The following B3GLCT variants were observed in gnomAD, a reference collection of about 807,000 sequenced individuals.
B3GLCT encodes beta 3-glucosyltransferase.
B3GLCT carries 65 observed loss-of-function variants against 63.4 expected under a neutral mutation model. That is an observed-to-expected ratio of 1.03 (90% CI 0.84 to 1.26). The LOEUF is 1.26. Ranked by LOEUF, B3GLCT falls within the 50% of genes most tolerant of loss-of-function variation. The probability of loss-of-function intolerance (pLI) is 0.00; values close to 1 mark genes in which losing one functional copy is unlikely to be tolerated. For synonymous variants in B3GLCT, 233 were observed against 219.2 expected (o/e 1.06, Z -0.55); for missense variants, 577 against 604.8 (o/e 0.95, Z 0.48).
At chr13:31,289,251 C>T (rs1849165) in intron 12 of B3GLCT, among the ~76,000 whole-genome samples, 29 of 152,018 alleles carry the variant, frequency 1.9e-4, no homozygotes, top group African/African-American at 6.8e-4. Flanking sequence ...TCTAGGACTA[C>T]ACAAAATGAC....
chr13:31,314,630 G>A (rs9544429), intron 12 of B3GLCT, among the ~76,000 whole-genome samples: 32,506 of 152,116 alleles, frequency 0.21, 3,495 homozygotes, highest in Non-Finnish European at 0.22. Context: ...CAGGCTCATA[G>A]GTGGAAGGGA....
At chr13:31,290,366 T>G (rs909466412) in intron 12 of B3GLCT, among the ~76,000 whole-genome samples, 14 of 152,224 alleles carry the variant, frequency 9.2e-5, no homozygotes, top group African/African-American at 3.1e-4. Flanking sequence ...TATAATCCTT[T>G]GGATATATAC....
intron 4 of B3GLCT, among the ~76,000 whole-genome samples, chr13:31,237,897 T>C (rs930132045): frequency 6.6e-6 from 1 of 152,162 alleles, no homozygotes; most frequent in African/African-American, 2.4e-5. Context: ...CTGTGAAGCA[T>C]GAAGGTTGCA....
At chr13:31,218,179 T>C (rs897387496) in intron 2 of B3GLCT, among the ~76,000 whole-genome samples, 3 of 151,048 alleles carry the variant, frequency 2.0e-5, no homozygotes, top group Admixed American at 6.6e-5. Context: ...TTATTCTTTT[T>C]GTGGCTACTT....
At chr13:31,326,280 T>TTTC (rs1875615912) in intron 14 of B3GLCT, among the ~76,000 whole-genome samples, 1 of 129,468 alleles carries the variant, frequency 7.7e-6, no homozygotes, top group Non-Finnish European at 1.6e-5. Context: ...TTTCCCTTTT[T>TTTC]TTTTTTTTTT....
At position 31,226,260 on chromosome 13, in the gene B3GLCT, C is replaced by T. The variant is rs368426046; in HGVS notation, c.161-2925C>T. ...ACGAGGCTCAGACACTCCAGGGCTG[C>T]GACTGGGCTCACTCGTTCTTGTATC... is the stretch of plus-strand genomic sequence containing the variant. On this transcript the variant is annotated intron_variant, in intron 3 of 14. Coordinates refer to ENST00000343307, the MANE Select transcript of B3GLCT (RefSeq NM_194318.4). Among the ~76,000 whole-genome samples the T allele has an allele frequency of 6.6e-5, 10 of 152,168 alleles. No individual in the cohort carries two copies. The South Asian group carries it at 1.2e-3, about 19-fold the overall frequency.
At position 31,329,837 on chromosome 13, in the gene B3GLCT, G is replaced by A; in HGVS notation, c.*169G>A. The A allele has an allele frequency of 1.4e-6, 1 of 723,466 alleles. No homozygotes were observed. Among genetic ancestry groups the A allele is most frequent in the Non-Finnish European group, 2.3e-6 (1 of 436,954 alleles). 44.8% of individuals were successfully genotyped at this position (723,466 alleles called of 1,614,324 possible). A position where few individuals can be genotyped will look rare whatever the true frequency, so the allele number is the denominator to read the frequency against. On this transcript the variant is annotated 3_prime_UTR_variant, in exon 15 of 15. Coordinates refer to ENST00000343307, the MANE Select transcript of B3GLCT (RefSeq NM_194318.4). The stretch of plus-strand genomic sequence containing the variant: ...ATTTTTTGACAGAGGAAGAAAAGGG[G>A]TCACAGGAGAAACATTTTTTTTTCT...
At chr13:31,246,951 C>CTTTTCTT in intron 4 of B3GLCT, 72 bp from the exon 5 acceptor site, 6 of 778,750 alleles carry the variant, frequency 7.7e-6, no homozygotes, top group Non-Finnish European at 9.9e-6. Flanking sequence ...CTTTTCTTTT[C>CTTTTCTT]TTTTTTTTTT....
intron 4 of B3GLCT, among the ~76,000 whole-genome samples, chr13:31,246,678 C>T (rs918940531): frequency 6.6e-6 from 1 of 152,146 alleles, no homozygotes; most frequent in Admixed American, 6.5e-5. Context: ...TGACTACTTC[C>T]CCCAGGCTCT....
chr13:31,272,038 T>A (rs1273205195), intron 8 of B3GLCT, among the ~76,000 whole-genome samples: 1 of 152,162 alleles, frequency 6.6e-6, no homozygotes, highest in Non-Finnish European at 1.5e-5. Context: ...TCCTTTTGTG[T>A]CCTTATCTTT....
At chr13:31,202,316 C>T (rs1166303807) in intron 1 of B3GLCT, among the ~76,000 whole-genome samples, 1 of 152,168 alleles carries the variant, frequency 6.6e-6, no homozygotes, top group East Asian at 1.9e-4. Context: ...AGTCTGGCAC[C>T]AGTTTCAGAA....
chr13:31,284,901 C>T, intron 11 of B3GLCT, 140 bp downstream of exon 11: 3 of 660,956 alleles, frequency 4.5e-6, no homozygotes, highest in East Asian at 5.5e-5. Flanking sequence ...CTCTCAGATA[C>T]TGATTGGTTC....
chr13:31,294,980 C>G (rs1026018780), intron 12 of B3GLCT, among the ~76,000 whole-genome samples: 1 of 146,004 alleles, frequency 6.8e-6, no homozygotes, highest in Non-Finnish European at 1.5e-5. Context: ...TGTTGGTGAC[C>G]TTTGAATGGG....
Position 31,247,020 on chromosome 13 carries a change from C to T in B3GLCT, c.271-3C>T, listed in dbSNP as rs749572751. ...TTATCTTCTTTGATCATTGTTTTCT[C>T]AGGAGCTCCCCAGTGTCCTCCTCCT... On this transcript the variant is annotated splice_region_variant and splice_polypyrimidine_tract_variant and intron_variant, in intron 4 of 14. Coordinates refer to ENST00000343307, the MANE Select transcript of B3GLCT (RefSeq NM_194318.4). 9 of 1,594,050 alleles carry T rather than the reference C, an allele frequency of 5.6e-6. No individual in the cohort carries two copies. The highest frequency in any genetic ancestry group is 2.3e-5 in the East Asian group (1 of 44,060).
chr13:31,267,478 A>G (rs540016707), intron 7 of B3GLCT, among the ~76,000 whole-genome samples: 1 of 152,384 alleles, frequency 6.6e-6, no homozygotes, highest in South Asian at 2.1e-4. Context: ...AAATTGAACA[A>G]GATCTCACTT....
In B3GLCT at chr13:31,331,414, C is replaced by G. The variant is rs1400621080; in HGVS notation, c.*1746C>G. 11 of 19,740 alleles carry G rather than the reference C, an allele frequency of 5.6e-4. 1 individual carries two copies. Among genetic ancestry groups the G allele is most frequent in the African/African-American group, 9.7e-4 (11 of 11,368 alleles). The allele number at this position is 19,740 out of a possible 1,614,324, so 1.2% of individuals were successfully genotyped here. A position where few individuals can be genotyped will look rare whatever the true frequency, so the allele number is the denominator to read the frequency against. On this transcript the variant is annotated 3_prime_UTR_variant, in exon 15 of 15. Coordinates refer to ENST00000343307, the MANE Select transcript of B3GLCT (RefSeq NM_194318.4). The stretch of plus-strand genomic sequence containing the variant: ...CTTTCTTCTGTGGTCTGATTAGTGC[C>G]TTCTACTGATACCGGGGCACCTCCT...
At chr13:31,259,489 A>AT (rs1366574045) in intron 6 of B3GLCT, among the ~76,000 whole-genome samples, 2 of 151,772 alleles carry the variant, frequency 1.3e-5, no homozygotes, top group Non-Finnish European at 2.9e-5. Flanking sequence ...CAGTACTGCT[A>AT]AAGGCTTTGC....
chr13:31,215,621 C>G (rs1869521103), intron 2 of B3GLCT, among the ~76,000 whole-genome samples: 1 of 152,020 alleles, frequency 6.6e-6, no homozygotes, highest in Admixed American at 6.5e-5. Flanking sequence ...ATCATGTTGC[C>G]CAGGCTGATC....
chr13:31,225,559 T>A (rs1870053167), intron 3 of B3GLCT, among the ~76,000 whole-genome samples: 1 of 152,236 alleles, frequency 6.6e-6, no homozygotes, highest in Non-Finnish European at 1.5e-5. Flanking sequence ...GGGTTGGGGC[T>A]GACTAGCATG....
Sources: gnomAD v4.1 joint callset for allele counts (sites outside exome capture counted in the v4.1 genomes callset) on GRCh38, gnomAD v4.1.1 for gene constraint, MANE v1.5 for transcripts, NCBI Gene and HGNC (gene_info 2026-07-23, HGNC 2026-07-21) for gene names.